The following SNTG2 variants were observed in gnomAD, a reference collection of about 807,000 sequenced individuals.
The protein encoded by SNTG2 is syntrophin gamma 2, also known as gamma-2-syntrophin.
Under a neutral mutation model 70.9 loss-of-function variants are expected in SNTG2, and 74 were observed. That is an observed-to-expected ratio of 1.04 (90% CI 0.86 to 1.27). The LOEUF is 1.27. SNTG2 is among the 50% of genes most tolerant of loss of function. The pLI is 0.00. For synonymous variants in SNTG2, 278 were observed against 273.8 expected, an observed-to-expected ratio of 1.02 and a Z score of -0.15; for missense variants, 717 against 690.7, an observed-to-expected ratio of 1.04 and a Z score of -0.43.
intron 1 of SNTG2, among the ~76,000 whole-genome samples, chr2:1,058,704 T>C (rs1225984252): frequency 1.3e-5 from 2 of 152,048 alleles, no homozygotes; most frequent in East Asian, 3.9e-4. Context: ...AGGGTGGAGT[T>C]TTCATCAGAA....
chr2:988,650 G>A lies in SNTG2; in HGVS notation c.72+37582G>A, dbSNP rs912035244. Among the ~76,000 whole-genome samples, 8 of 152,224 alleles carry A rather than the reference G, an allele frequency of 5.3e-5. 1 individual carries two copies. Among genetic ancestry groups the A allele is most frequent in the African/African-American group, 1.4e-4 (6 of 41,524 alleles). ...GTTCATACGTGGACGCTATAGACAC[G>A]ATTTCCATTGCTCTTGGGTTAAGCT... is the stretch of plus-strand genomic sequence containing the variant. On this transcript the variant is annotated intron_variant, in intron 1 of 16. Coordinates refer to ENST00000308624, the MANE Select transcript of SNTG2 (RefSeq NM_018968.4).
At chr2:1,140,902 C>G (rs932849768) in intron 6 of SNTG2, among the ~76,000 whole-genome samples, 12 of 152,126 alleles carry the variant, frequency 7.9e-5, no homozygotes, top group African/African-American at 2.9e-4. Context: ...TTAAATTAGT[C>G]CTTTTAAAAA....
intron 9 of SNTG2, among the ~76,000 whole-genome samples, chr2:1,216,435 T>A (rs972034201): frequency 9.9e-5 from 15 of 152,128 alleles, no homozygotes; most frequent in African/African-American, 3.1e-4. Flanking sequence ...GTTTGAGTTC[T>A]TTGTAGATTC....
chr2:1,166,176 T>C (rs1258115273), intron 7 of SNTG2, among the ~76,000 whole-genome samples: 2 of 152,214 alleles, frequency 1.3e-5, no homozygotes, highest in Non-Finnish European at 2.9e-5. Context: ...TATTCAGCTG[T>C]CATGGCTTTA....
intron 8 of SNTG2, among the ~76,000 whole-genome samples, 193 bp from the exon 9 acceptor site, chr2:1,208,910 G>A (rs1197485336): frequency 1.3e-5 from 2 of 152,094 alleles, no homozygotes; most frequent in Non-Finnish European, 2.9e-5. Flanking sequence ...GAAAACAGCG[G>A]GAGAAAATGT....
chr2:1,217,042 G>A (rs1674440563), intron 9 of SNTG2, among the ~76,000 whole-genome samples: 1 of 151,970 alleles, frequency 6.6e-6, no homozygotes, highest in Non-Finnish European at 1.5e-5. Context: ...TCCACCATGT[G>A]CCGACATCAC....
At chr2:1,238,613 C>T (rs760042387) in intron 10 of SNTG2, among the ~76,000 whole-genome samples, 10 of 152,162 alleles carry the variant, frequency 6.6e-5, no homozygotes, top group South Asian at 4.1e-4. Flanking sequence ...ATGACACGGG[C>T]GTTGCCTGGA....
At chr2:1,150,769 C>G (rs62105991) in intron 6 of SNTG2, among the ~76,000 whole-genome samples, 142,522 of 152,164 alleles carry the variant, frequency 0.94, 66,875 homozygotes, top group Non-Finnish European at 0.97. Flanking sequence ...AGACTTCAGC[C>G]TTTTCTAGTT....
chr2:969,152 C>T (rs1660660036), intron 1 of SNTG2, among the ~76,000 whole-genome samples: 1 of 152,104 alleles, frequency 6.6e-6, no homozygotes, highest in South Asian at 2.1e-4. Flanking sequence ...TTTATGTTGC[C>T]TTTGTCAAAG....
intron 12 of SNTG2, among the ~76,000 whole-genome samples, chr2:1,248,722 G>A (rs1345924606): frequency 1.3e-5 from 2 of 152,168 alleles, no homozygotes; most frequent in African/African-American, 4.8e-5. Flanking sequence ...CTCGGAGGAG[G>A]TGGCTGGCAC....
At chr2:1,189,879 A>G (rs1672473332) in intron 8 of SNTG2, among the ~76,000 whole-genome samples, 1 of 152,150 alleles carries the variant, frequency 6.6e-6, no homozygotes, top group South Asian at 2.1e-4. Flanking sequence ...ACTTCATATA[A>G]CAGAGGGTGT....
intron 1 of SNTG2, among the ~76,000 whole-genome samples, chr2:1,045,415 C>T (rs1661677258): frequency 6.6e-6 from 1 of 151,834 alleles, no homozygotes; most frequent in South Asian, 2.1e-4. Flanking sequence ...TTCTTTTTTC[C>T]TGCTAGCTTT....
At chr2:1,348,376 CAT>C (rs927917167) in intron 16 of SNTG2, among the ~76,000 whole-genome samples, 12 of 152,336 alleles carry the variant, frequency 7.9e-5, no homozygotes, top group African/African-American at 2.9e-4. Flanking sequence ...TTAACATCAA[CAT>C]ATTCTTTAAG....
intron 1 of SNTG2, among the ~76,000 whole-genome samples, chr2:1,012,791 G>C (rs111236588): frequency 1.2e-5 from 1 of 81,278 alleles, no homozygotes; most frequent in Admixed American, 1.2e-4. Context: ...GAGAAGGGTG[G>C]TCTGTAGAGG....
At chr2:1,339,215 T>G (rs1313500969) in intron 16 of SNTG2, among the ~76,000 whole-genome samples, 2 of 152,192 alleles carry the variant, frequency 1.3e-5, no homozygotes, top group African/African-American at 4.8e-5. Flanking sequence ...GGATTTTTTG[T>G]TTTTTTGATG....
chr2:1,115,233 CTTT>C (rs968113693), intron 4 of SNTG2, among the ~76,000 whole-genome samples: 2 of 144,148 alleles, frequency 1.4e-5, no homozygotes, highest in East Asian at 4.6e-4. Context: ...CCCTATAGTT[CTTT>C]GAGGAGAATT....
intron 14 of SNTG2, among the ~76,000 whole-genome samples, chr2:1,305,737 G>A (rs1680641546): frequency 6.6e-6 from 1 of 152,198 alleles, no homozygotes; most frequent in African/African-American, 2.4e-5. Context: ...ATGAGATTTT[G>A]TGTAGCCAGA....
At chr2:1,193,784 AAC>A (rs1672740545) in intron 8 of SNTG2, among the ~76,000 whole-genome samples, 2 of 152,220 alleles carry the variant, frequency 1.3e-5, no homozygotes, top group Admixed American at 6.5e-5. Context: ...TTTCTAGGTG[AAC>A]ACAGTTTACA....
rs373587793 is a variant in SNTG2, at chr2:1,095,422, GAAAT to G, written c.211-2768_211-2765del. Among the ~76,000 whole-genome samples, 397 of 152,302 alleles carry G rather than the reference GAAAT, an allele frequency of 2.6e-3. 1 individual carries two copies. The highest frequency in any genetic ancestry group is 8.9e-3 in the African/African-American group (371 of 41,568). ...TCAAGAGACTGCACAAAGCAGGTAT[GAAAT>G]AAATATTATTCTGGCTTAGCTAAAA... On this transcript the variant is annotated intron_variant, in intron 2 of 16. Coordinates refer to ENST00000308624, the MANE Select transcript of SNTG2 (RefSeq NM_018968.4).
Sources: gnomAD v4.1 joint callset for allele counts (sites outside exome capture counted in the v4.1 genomes callset) on GRCh38, gnomAD v4.1.1 for gene constraint, MANE v1.5 for transcripts, NCBI Gene and HGNC (gene_info 2026-07-23, HGNC 2026-07-21) for gene names.